The following NOX4 variants were observed in gnomAD, a reference collection of about 807,000 sequenced individuals.
NOX4 encodes NADPH oxidase 4.
Under a neutral mutation model 87.6 loss-of-function variants are expected in NOX4, and 69 were observed. The ratio of observed to expected loss-of-function variants is 0.79; its 90% CI spans 0.65 to 0.96. The LOEUF (loss-of-function observed/expected upper bound fraction) is 0.96. Among genes scored for constraint, NOX4 ranks in the 40% least tolerant of loss-of-function variants. The pLI is 0.00. For synonymous variants in NOX4, 275 were observed against 238.2 expected (o/e 1.15, Z -1.42); for missense variants, 680 against 681.5 (o/e 1.00, Z 0.02).
the NOX4 span, among the ~76,000 whole-genome samples, chr11:89,520,687 G>A: frequency 6.6e-6 from 1 of 152,128 alleles, no homozygotes; most frequent in African/African-American, 2.4e-5. Context: ...TAGGACGGAA[G>A]TGCTAGCTAG....
At chr11:89,509,612 G>T in the NOX4 span, among the ~76,000 whole-genome samples, 6 of 151,954 alleles carry the variant, frequency 3.9e-5, no homozygotes, top group Non-Finnish European at 8.8e-5. Flanking sequence ...CTTTAGAATG[G>T]TATTTGTTAA....
intron 7 of NOX4, among the ~76,000 whole-genome samples, chr11:89,422,591 C>A (rs537982124): frequency 1.3e-5 from 2 of 151,992 alleles, no homozygotes; most frequent in Admixed American, 6.6e-5. Context: ...TTTCATATAT[C>A]CTGGGTGGAT....
At chr11:89,411,947 CACAG>C (rs1942502841) in intron 8 of NOX4, among the ~76,000 whole-genome samples, 1 of 152,008 alleles carries the variant, frequency 6.6e-6, no homozygotes, top group South Asian at 2.1e-4. Flanking sequence ...TGAAGATACA[CACAG>C]ACTGAAAATA....
chr11:89,337,306 T>C, intron 16 of NOX4, 141 bp downstream of exon 16: 2 of 1,315,984 alleles, frequency 1.5e-6, no homozygotes, highest in Admixed American at 4.7e-5. Flanking sequence ...AGCTATGACT[T>C]TCCTGGACAT....
chr11:89,341,525 A>G (rs1349623711), intron 14 of NOX4, among the ~76,000 whole-genome samples: 1 of 152,220 alleles, frequency 6.6e-6, no homozygotes, highest in Admixed American at 6.5e-5. Context: ...AAGCCTGACC[A>G]TACTTCAACA....
At chr11:89,330,447 C>T (rs1945421422) in intron 17 of NOX4, among the ~76,000 whole-genome samples, 2 of 151,984 alleles carry the variant, frequency 1.3e-5, no homozygotes, top group Non-Finnish European at 2.9e-5. Context: ...TTAATTTTGG[C>T]TTCATCAGAA....
chr11:89,441,562 G>A (rs2135356335), intron 5 of NOX4, among the ~76,000 whole-genome samples: 1 of 152,192 alleles, frequency 6.6e-6, no homozygotes, highest in East Asian at 1.9e-4. Context: ...CTCCTCACCT[G>A]GCTTAATTCA....
Position 89,340,182 on chromosome 11 carries a change from A to C in NOX4, c.1338-11T>G. 1 of 1,515,748 alleles carries C rather than the reference A, an allele frequency of 6.6e-7. No individual in the cohort carries two copies. 93.9% of individuals were successfully genotyped at this position (1,515,748 alleles called of 1,614,324 possible). A position where few individuals can be genotyped will look rare whatever the true frequency, so the allele number is the denominator to read the frequency against. ...GGTTTCCAGTCATCCCTTTAAAATG[A>C]AAATAACATGATAGTGATTAGGATG... On this transcript the variant is annotated splice_polypyrimidine_tract_variant and intron_variant, in intron 14 of 17. Coordinates refer to ENST00000263317, the MANE Select transcript of NOX4 (RefSeq NM_016931.5).
chr11:89,428,446 A>C (rs1162948312), intron 7 of NOX4, among the ~76,000 whole-genome samples: 1 of 150,664 alleles, frequency 6.6e-6, no homozygotes, highest in Admixed American at 6.6e-5. Flanking sequence ...GTCAAGACCC[A>C]TCAGTGTGCT....
chr11:89,568,562 G>A, the NOX4 span, among the ~76,000 whole-genome samples: 3 of 152,152 alleles, frequency 2.0e-5, no homozygotes, highest in Admixed American at 2.0e-4. Flanking sequence ...ATAATCCATG[G>A]TCATCTGTAG....
At chr11:89,330,500 C>T (rs192960229) in intron 17 of NOX4, among the ~76,000 whole-genome samples, 19 of 151,866 alleles carry the variant, frequency 1.3e-4, no homozygotes, top group African/African-American at 2.7e-4. Context: ...TAGGTCTCCC[C>T]ATCCCTAGTT....
intron 17 of NOX4, among the ~76,000 whole-genome samples, chr11:89,329,172 T>C (rs1945346222): frequency 2.6e-5 from 4 of 150,994 alleles, no homozygotes; most frequent in Non-Finnish European, 5.9e-5. Context: ...AGCATAATCA[T>C]GATGAGATGA....
upstream of NOX4, among the ~76,000 whole-genome samples, chr11:89,502,502 A>G (rs913546085): frequency 3.3e-5 from 5 of 152,050 alleles, no homozygotes; most frequent in Admixed American, 1.3e-4. Context: ...TGAGCAACTC[A>G]ATAAGAAACT....
At chr11:89,568,306 G>T in the NOX4 span, among the ~76,000 whole-genome samples, 3 of 152,192 alleles carry the variant, frequency 2.0e-5, no homozygotes, top group South Asian at 6.2e-4. Context: ...CAAAAAGTGG[G>T]TTCTTTGAAA....
rs1939606879 is a variant in NOX4 at position 89,373,454 on chromosome 11, A to C, written c.1113T>G (p.Leu371=). The C allele has an allele frequency of 1.3e-6, 2 of 1,597,992 alleles. No homozygotes were observed. The highest frequency in any genetic ancestry group is 1.7e-6 in the Non-Finnish European group (2 of 1,166,306). The change falls in exon 12 of 18, where the codon CTT becomes CTG. Residue 371 remains leucine (L), a synonymous_variant. Coordinates refer to ENST00000263317, the MANE Select transcript of NOX4 (RefSeq NM_016931.5). ...TETKATFGVH[L]KIVGDWTERF... is the part of the protein sequence containing the mutation. ...TACCTGTCCAGTCTCCTACTATTTTAAGATGAACCCCAAATGTTGCTTTGG... is the reference window on the plus strand; with the variant it reads ...TACCTGTCCAGTCTCCTACTATTTTCAGATGAACCCCAAATGTTGCTTTGG...
At chr11:89,531,047 T>G in the NOX4 span, among the ~76,000 whole-genome samples, 1 of 152,202 alleles carries the variant, frequency 6.6e-6, no homozygotes, top group Non-Finnish European at 1.5e-5. Context: ...CATTATAATT[T>G]GCTGTCCTGT....
the NOX4 span, among the ~76,000 whole-genome samples, chr11:89,508,240 C>T: frequency 6.6e-6 from 1 of 152,004 alleles, no homozygotes. Flanking sequence ...AAGTGAAGTT[C>T]CCAAAGCACC....
At chr11:89,587,687 T>C in the NOX4 span, among the ~76,000 whole-genome samples, 2 of 152,188 alleles carry the variant, frequency 1.3e-5, no homozygotes, top group Non-Finnish European at 2.9e-5. Context: ...AAATCAATAA[T>C]TTTATAATAG....
At chr11:89,547,063 A>C in the NOX4 span, among the ~76,000 whole-genome samples, 1 of 152,222 alleles carries the variant, frequency 6.6e-6, no homozygotes, top group Admixed American at 6.6e-5. Flanking sequence ...AAAAACAGTA[A>C]GTGTGCAATG....
Sources: allele counts gnomAD v4.1 joint callset (sites outside exome capture counted in the v4.1 genomes callset), GRCh38; gene constraint gnomAD v4.1.1; transcripts MANE v1.5; gene names NCBI Gene and HGNC (gene_info 2026-07-23, HGNC 2026-07-21).